ZNF106: variants seen among roughly 807,000 people sequenced by gnomAD.
The protein encoded by ZNF106 is SH3-domain binding protein 3.
In ZNF106, 67 loss-of-function variants were observed where a neutral mutation model predicts 195.1. The observed-to-expected ratio is 0.34, with a 90% confidence interval of 0.28 to 0.42. The LOEUF is 0.42. ZNF106 is among the 10% of genes least tolerant of loss of function. The pLI, the probability that ZNF106 is intolerant of heterozygous loss-of-function variation, is 1.00. For synonymous variants in ZNF106, 784 were observed against 818.6 expected (o/e 0.96, Z 0.72); for missense variants, 2,118 against 2,304.5 (o/e 0.92, Z 1.66).
chr15:42,471,175 C>T (rs2412716), intron 2 of ZNF106, among the ~76,000 whole-genome samples: 147,767 of 152,256 alleles, frequency 0.97, 71,812 homozygotes, highest in Non-Finnish European at 1. Context: ...TTCTCCTACC[C>T]AAAATATCTC....
chr15:42,459,452 G>A (rs760722412), intron 3 of ZNF106, among the ~76,000 whole-genome samples: 4 of 151,984 alleles, frequency 2.6e-5, no homozygotes, highest in African/African-American at 4.8e-5. Context: ...CTCCAGCCTG[G>A]GCAACAGAGT....
intron 15 of ZNF106, among the ~76,000 whole-genome samples, chr15:42,426,368 T>C (rs2054856614): frequency 6.6e-6 from 1 of 151,760 alleles, no homozygotes; most frequent in African/African-American, 2.4e-5. Flanking sequence ...GCCTCAAGAT[T>C]GTCTTGCTCC....
rs761211277 is a variant in ZNF106, at chr15:42,448,628, C to T, written c.2579G>A (p.Ser860Asn). Residue 860 changes from serine to asparagine, a missense_variant, in exon 6 of 22, where the codon AGT becomes AAT. Physicochemically the swap from Ser to Asn is conservative, Grantham distance 46. Coordinates refer to ENST00000564754, the MANE Select transcript of ZNF106 (RefSeq NM_001366845.3). Reference sequence around the variant, plus strand: ...ACCTTCCCACTGGAATCCTTCTAGACTGGACAGATCAGGTTCCCCATCCAA... The same window carrying T: ...ACCTTCCCACTGGAATCCTTCTAGATTGGACAGATCAGGTTCCCCATCCAA... ...LDLDGEPDLS[S>N]LEGFQWEGVS... The T allele has an allele frequency of 3.2e-5, 51 of 1,613,944 alleles. No homozygotes were observed. Among genetic ancestry groups the T allele is most frequent in the Non-Finnish European group, 4.2e-5 (50 of 1,180,028 alleles).
intron 1 of ZNF106, among the ~76,000 whole-genome samples, 181 bp from the exon 2 acceptor site, chr15:42,472,502 C>T (rs1006362426): frequency 1.8e-4 from 27 of 152,066 alleles, no homozygotes; most frequent in African/African-American, 6.5e-4. Flanking sequence ...CCTTCTTTTT[C>T]ACCCCATATC....
chr15:42,458,573 T>A (rs1337254547), intron 3 of ZNF106, among the ~76,000 whole-genome samples: 1 of 151,912 alleles, frequency 6.6e-6, no homozygotes, highest in Non-Finnish European at 1.5e-5. Context: ...CCTGGTGTGG[T>A]GGTGTGCACC....
At chr15:42,426,668 T>C (rs2054870258) in intron 15 of ZNF106, among the ~76,000 whole-genome samples, 1 of 151,370 alleles carries the variant, frequency 6.6e-6, no homozygotes, top group South Asian at 2.1e-4. Flanking sequence ...TCTCCCAAAG[T>C]GCTGGGATTA....
At position 42,450,931 on chromosome 15, in the gene ZNF106, A is replaced by T. The variant is rs774173511; in HGVS notation, c.1341T>A (p.Ala447=). ...LNHKASSDSA[A]SFEVVRQCPT... ...GGCACTGTCTCACCACCTCGAAGGA[A>T]GCAGCGGAATCAGAAGAGGCCTTGT... The change falls in exon 5 of 22, where the codon GCT becomes GCA. Residue 447 remains alanine, a synonymous_variant. Coordinates refer to ENST00000564754, the MANE Select transcript of ZNF106 (RefSeq NM_001366845.3). The T allele has an allele frequency of 6.2e-7, 1 of 1,614,174 alleles. No individual in the cohort carries two copies. The highest frequency in any genetic ancestry group is 1.7e-5 in the Admixed American group (1 of 60,010).
intron 3 of ZNF106, among the ~76,000 whole-genome samples, chr15:42,461,460 C>T (rs1475415762): frequency 6.6e-6 from 1 of 152,244 alleles, no homozygotes; most frequent in Non-Finnish European, 1.5e-5. Context: ...AAGATACTCT[C>T]TCCATAAGCT....
At chr15:42,427,603 T>A (rs1595438759) in intron 15 of ZNF106, 3 of 156,112 alleles carry the variant, frequency 1.9e-5, no homozygotes, top group African/African-American at 7.2e-5. Context: ...AAATATGTAA[T>A]GCTTCATGAA....
chr15:42,438,911 A>G, intron 11 of ZNF106, 122 bp downstream of exon 11: 2 of 1,155,772 alleles, frequency 1.7e-6, no homozygotes, highest in South Asian at 3.2e-5. Flanking sequence ...CATATCCACA[A>G]TCTCTACTGC....
chr15:42,471,682 G>A (rs553287103), intron 2 of ZNF106, among the ~76,000 whole-genome samples: 2 of 152,148 alleles, frequency 1.3e-5, no homozygotes, highest in Non-Finnish European at 2.9e-5. Context: ...AGTGAGCTGA[G>A]ATTGCGCCAC....
At chr15:42,466,647 C>T (rs2056522992) in intron 2 of ZNF106, among the ~76,000 whole-genome samples, 2 of 152,194 alleles carry the variant, frequency 1.3e-5, no homozygotes, top group South Asian at 4.1e-4. Context: ...AACAGAGCCT[C>T]TCTATGCTAG....
chr15:42,459,980 T>C (rs997158933), intron 3 of ZNF106, among the ~76,000 whole-genome samples: 1 of 150,964 alleles, frequency 6.6e-6, no homozygotes, highest in African/African-American at 2.4e-5. Flanking sequence ...GAGGTGGAGG[T>C]TGCAGTGAGC....
At chr15:42,444,053 A>C in intron 9 of ZNF106, 149 bp downstream of exon 9, 1 of 527,256 alleles carries the variant, frequency 1.9e-6, no homozygotes. Flanking sequence ...CAGAGGTTGC[A>C]GTGAGCAGAG....
intron 4 of ZNF106, among the ~76,000 whole-genome samples, chr15:42,453,773 T>G (rs1485377549): frequency 6.6e-6 from 1 of 152,142 alleles, no homozygotes; most frequent in Non-Finnish European, 1.5e-5. Flanking sequence ...TTTTTGTATT[T>G]TTAGTAGAGA....
chr15:42,478,605 T>C (rs1378209550), intron 1 of ZNF106, among the ~76,000 whole-genome samples: 1 of 136,746 alleles, frequency 7.3e-6, no homozygotes, highest in Non-Finnish European at 1.5e-5. Context: ...AACCTCCGCC[T>C]CCCAGGTTCA....
chr15:42,466,191 T>C, intron 2 of ZNF106, 77 bp from the exon 3 acceptor site: 4 of 1,208,786 alleles, frequency 3.3e-6, no homozygotes, highest in Non-Finnish European at 4.4e-6. Flanking sequence ...TCCTCCTCAA[T>C]CAAAAATTGG....
chr15:42,468,421 G>A (rs142367892), intron 2 of ZNF106, among the ~76,000 whole-genome samples: 2,533 of 151,832 alleles, frequency 0.017, 47 homozygotes, highest in Non-Finnish European at 0.022. Context: ...GATTACCATC[G>A]TTTCCTTCCT....
chr15:42,449,221 T>C (rs1308845341), intron 5 of ZNF106, among the ~76,000 whole-genome samples: 1 of 152,198 alleles, frequency 6.6e-6, no homozygotes, highest in African/African-American at 2.4e-5. Context: ...CGTTGAACAC[T>C]GTTTTAGCAT....
Sources: gnomAD v4.1 joint callset for allele counts (sites outside exome capture counted in the v4.1 genomes callset) on GRCh38, gnomAD v4.1.1 for gene constraint, MANE v1.5 for transcripts, NCBI Gene and HGNC (gene_info 2026-07-23, HGNC 2026-07-21) for gene names.